The following CENPF variants were observed in gnomAD, a reference collection of about 807,000 sequenced individuals.
CENPF encodes the protein AH antigen.
A neutral mutation model predicts 307.3 loss-of-function variants in CENPF; 214 were observed. The observed-to-expected ratio is 0.70, with a 90% CI of 0.62 to 0.78. CENPF has a LOEUF of 0.78. Ranked by LOEUF, CENPF falls within the 30% of genes least tolerant of loss-of-function variation. CENPF has a pLI of 0.00. For synonymous variants in CENPF, 1,259 were observed against 1,270.6 expected, an observed-to-expected ratio of 0.99 and a Z score of 0.19; for missense variants, 3,401 against 3,483.9, an observed-to-expected ratio of 0.98 and a Z score of 0.60.
chr1:214,641,789 C>T lies in CENPF; in HGVS notation c.3451C>T (p.Gln1151Ter), dbSNP rs865901808. The change falls in exon 12 of 20, where the codon CAA (glutamine) becomes TAA (stop). Residue 1151 changes from glutamine (Q) to a stop codon, truncating the protein, a stop_gained. Transcript: ENST00000366955. LOFTEE classifies it high-confidence loss of function. The part of the protein sequence containing the change: ...KMQKEVNDLL[Q>*]ENEQLMKVMK... ...GCAAAAGGAAGTTAATGACTTATTA[C>T]AAGAGAATGAACAGCTGATGAAGGT... is the stretch of plus-strand genomic sequence containing the variant. 4 of 1,597,938 alleles carry T rather than the reference C, an allele frequency of 2.5e-6. No individual in the cohort carries two copies. Among genetic ancestry groups the T allele is most frequent in the Admixed American group, 3.6e-5 (2 of 55,230 alleles).
In CENPF at chr1:214,657,364, G is replaced by C. The variant is rs1658667504; in HGVS notation, c.8917G>C (p.Gly2973Arg). 12 of 1,612,044 alleles carry C rather than the reference G, an allele frequency of 7.4e-6. No homozygotes were observed. Among genetic ancestry groups the C allele is most frequent in the South Asian group, 1.1e-5 (1 of 91,084 alleles). The change falls in exon 18 of 20, where the codon GGT (glycine) becomes CGT (arginine). Residue 2973 changes from glycine to arginine, a missense_variant. Physicochemically the swap from Gly to Arg is moderately radical, Grantham distance 125 (BLOSUM62 -2). Transcript: ENST00000366955. ...TATTCACCCTGCAGAAGACACGGAA[G>C]GTACTGAGTTTGAGCCAGAGGGACT... ...SGIHPAEDTEGTEFEPEGLPE... is the reference protein window; with the variant it reads ...SGIHPAEDTERTEFEPEGLPE...
rs768909316 is a variant in CENPF, at chr1:214,656,955, C to T, written c.8508C>T (p.Val2836=). 2.8e-5 allele frequency: 45 copies of T among 1,608,504 alleles called. No homozygotes were observed. In the South Asian group the frequency reaches 3.2e-4, roughly 11 times the overall value. The part of the protein sequence containing the change: ...QKTGTVMDTK[V]DELTTEIKEL... ...CAGGTACTGTTATGGATACCAAGGT[C>T]GATGAATTAACAACTGAGATCAAAG... The change falls in exon 18 of 20, where the codon GTC becomes GTT. Residue 2836 remains valine, a synonymous_variant. Coordinates refer to ENST00000366955, the MANE Select transcript of CENPF (RefSeq NM_016343.4).
At chr1:214,609,951 A>G (rs1657154935) in intron 1 of CENPF, among the ~76,000 whole-genome samples, 1 of 150,796 alleles carries the variant, frequency 6.6e-6, no homozygotes, top group Non-Finnish European at 1.5e-5. Flanking sequence ...ACTGATGGGC[A>G]TTTAGATTGA....
intron 19 of CENPF, 88 bp from the exon 20 acceptor site, chr1:214,663,498 CTTAAT>C: frequency 8.0e-7 from 1 of 1,244,694 alleles, no homozygotes; most frequent in Non-Finnish European, 1.1e-6. Context: ...AGAAGAAGAA[CTTAAT>C]TTAAAACTTA....
intron 1 of CENPF, chr1:214,605,658 G>A (rs1389174240): frequency 6.4e-7 from 1 of 1,560,286 alleles, no homozygotes; most frequent in Non-Finnish European, 8.6e-7. Context: ...CTGAGGTCTG[G>A]CCGGTTGGTG....
rs765504972 is a variant in CENPF at position 214,639,983 on chromosome 1, A to T, written c.1645A>T (p.Asn549Tyr). Residue 549 changes from asparagine to tyrosine, a missense_variant, in exon 12 of 20, where the codon AAC becomes TAC. Coordinates refer to ENST00000366955, the MANE Select transcript of CENPF (RefSeq NM_016343.4). ...DLQEKINQQE[N>Y]SLTLEKLKLA... ...TCAAGAAAAAATAAATCAGCAAGAA[A>T]ACTCCTTGACTTTAGAAAAACTGAA... 8.2e-6 allele frequency: 13 copies of T among 1,577,788 alleles called. No homozygotes were observed. The highest frequency in any genetic ancestry group is 1.1e-5 in the Non-Finnish European group (13 of 1,170,064).
chr1:214,605,472 A>C, intron 1 of CENPF: 1 of 505,058 alleles, frequency 2.0e-6, no homozygotes, highest in East Asian at 3.3e-5. Flanking sequence ...TTAAATCTTT[A>C]ATTTCTGTTT....
intron 3 of CENPF, among the ~76,000 whole-genome samples, chr1:214,617,398 G>T (rs560494283): frequency 6.6e-6 from 1 of 152,204 alleles, no homozygotes; most frequent in African/African-American, 2.4e-5. Flanking sequence ...AAAGAGACTG[G>T]TGCACACCAT....
rs1425793803 is a variant in CENPF, at chr1:214,651,815, G to A, written c.8089G>A (p.Ala2697Thr). The change falls in exon 15 of 20, where the codon GCT becomes ACT. Residue 2697 changes from alanine (A) to threonine (T), a missense_variant. Ala to Thr is a moderately conservative substitution (Grantham distance 58). Transcript: ENST00000366955. ...GGAAGGGAAAGTGAGAGAGGAAATA[G>A]CTGAATATCAGCTACGGCTTCATGA... is the stretch of plus-strand genomic sequence containing the variant. ...EKEGKVREEI[A>T]EYQLRLHEAE... 2 of 1,613,338 alleles carry A rather than the reference G, an allele frequency of 1.2e-6. No individual in the cohort carries two copies. Among genetic ancestry groups the A allele is most frequent in the East Asian group, 2.2e-5 (1 of 44,854 alleles).
At chr1:214,624,152 A>T (rs1297893200) in intron 7 of CENPF, among the ~76,000 whole-genome samples, 2 of 151,986 alleles carry the variant, frequency 1.3e-5, no homozygotes, top group African/African-American at 2.4e-5. Context: ...TGTATAATTT[A>T]AAAAATATAT....
Position 214,646,009 on chromosome 1 carries a change from C to T in CENPF, c.6439C>T (p.Arg2147Trp), listed in dbSNP as rs150719864. 93 of 1,613,752 alleles carry T rather than the reference C, an allele frequency of 5.8e-5. No individual in the cohort carries two copies. Among genetic ancestry groups the T allele is most frequent in the Non-Finnish European group, 6.9e-5 (81 of 1,179,994 alleles). The change falls in exon 13 of 20, where the codon CGG becomes TGG. Residue 2147 changes from arginine (R) to tryptophan (W), a missense_variant. Arg to Trp is a moderately radical substitution (Grantham distance 101). Transcript: ENST00000366955. The stretch of plus-strand genomic sequence containing the variant: ...CGCAGAGAAACTGAAAGAACGCGAG[C>T]GGGAGAATGATTCACTTAAGGATAA... ...HIAEKLKERE[R>W]ENDSLKDKVE...
At chr1:214,652,444 CTTTTTTTTT>C (rs34873218) in intron 15 of CENPF, among the ~76,000 whole-genome samples, 4 of 120,948 alleles carry the variant, frequency 3.3e-5, no homozygotes, top group Non-Finnish European at 5.1e-5. Context: ...TTTTTCTTTT[CTTTTTTTTT>C]TTTTTTTTGA....
chr1:214,616,366 C>G (rs1411507579), intron 3 of CENPF, among the ~76,000 whole-genome samples: 2 of 152,138 alleles, frequency 1.3e-5, no homozygotes, highest in Non-Finnish European at 2.9e-5. Flanking sequence ...CTCGAATCAG[C>G]AGATTTGTGA....
intron 15 of CENPF, among the ~76,000 whole-genome samples, chr1:214,652,183 C>T (rs1465728483): frequency 6.6e-6 from 1 of 150,392 alleles, no homozygotes. Flanking sequence ...CTACAGGTGC[C>T]CGCCACCACG....
At position 214,664,058 on chromosome 1, in the gene CENPF, A is replaced by G. The variant is rs988358414; in HGVS notation, c.*264A>G. ...TATGTATATAAAGCTTTTTGGTAAT[A>G]TGTTACAATTAAAATGACAAGCACT... is the stretch of plus-strand genomic sequence containing the variant. On this transcript the variant is annotated 3_prime_UTR_variant, in exon 20 of 20. Coordinates refer to ENST00000366955, the MANE Select transcript of CENPF (RefSeq NM_016343.4). The G allele has an allele frequency of 1.6e-5, 5 of 316,518 alleles. No homozygotes were observed. The highest frequency in any genetic ancestry group is 1.1e-4 in the African/African-American group (5 of 47,184). 19.6% of individuals were successfully genotyped at this position (316,518 alleles called of 1,614,324 possible).
At position 214,637,954 on chromosome 1, in the gene CENPF, TCAAA is replaced by T; in HGVS notation, c.1538_1541del (p.Lys513SerfsTer3). The T allele has an allele frequency of 6.2e-7, 1 of 1,613,152 alleles. No individual in the cohort carries two copies. Among genetic ancestry groups the T allele is most frequent in the South Asian group, 1.1e-5 (1 of 90,826 alleles). On this transcript the variant is annotated frameshift_variant, in exon 11 of 20. Transcript: ENST00000366955. LOFTEE classifies it high-confidence loss of function. ...CACCTGGAGGCAGAACTCAAGAACA[TCAAA>T]CAGTGTTTAAATCAGAGCCAGAATT...
Position 214,655,376 on chromosome 1 carries a change from C to T in CENPF, c.8458C>T (p.Gln2820Ter), listed in dbSNP as rs1658603599. The T allele has an allele frequency of 6.2e-7, 1 of 1,605,764 alleles. No homozygotes were observed. The highest frequency in any genetic ancestry group is 8.5e-7 in the Non-Finnish European group (1 of 1,176,860). The part of the protein sequence containing the change: ...EILQKELSQL[Q>*]AAQEKQKTGT... The stretch of plus-strand genomic sequence containing the variant: ...ACTGCAGAAAGAACTCTCTCAACTT[C>T]AAGCTGCACAGGAGAAGCAGAAAAC... Residue 2820 changes from glutamine to a stop codon, truncating the protein, a stop_gained, in exon 17 of 20, where the codon CAA becomes TAA. Coordinates refer to ENST00000366955, the MANE Select transcript of CENPF (RefSeq NM_016343.4). LOFTEE classifies it high-confidence loss of function.
intron 8 of CENPF, 103 bp downstream of exon 8, chr1:214,629,274 T>C (rs1357222691): frequency 2.6e-6 from 3 of 1,160,226 alleles, no homozygotes; most frequent in Non-Finnish European, 3.5e-6. Flanking sequence ...ATTTGGGAAA[T>C]TCTCTTAGAG....
In CENPF at chr1:214,640,575, T is replaced by C; in HGVS notation, c.2237T>C (p.Ile746Thr). ...EHKLQLLSNE[I>T]MDKDRCYQDL... Reference sequence around the variant, plus strand: ...AAGCTTCAGTTACTGTCAAATGAAATAATGGACAAAGACCGGTGTTACCAA... The same window carrying C: ...AAGCTTCAGTTACTGTCAAATGAAACAATGGACAAAGACCGGTGTTACCAA... Residue 746 changes from isoleucine (I) to threonine (T), a missense_variant, in exon 12 of 20, where the codon ATA becomes ACA. Ile to Thr is a moderately conservative substitution (Grantham distance 89). Coordinates refer to ENST00000366955, the MANE Select transcript of CENPF (RefSeq NM_016343.4). 6.2e-7 allele frequency: 1 copy of C among 1,614,032 alleles called. No individual in the cohort carries two copies. Among genetic ancestry groups the C allele is most frequent in the South Asian group, 1.1e-5 (1 of 91,074 alleles).
Sources: allele counts gnomAD v4.1 joint callset (sites outside exome capture counted in the v4.1 genomes callset), GRCh38; gene constraint gnomAD v4.1.1; transcripts MANE v1.5; gene names NCBI Gene and HGNC (gene_info 2026-07-23, HGNC 2026-07-21).